EYS: variants seen among roughly 807,000 people sequenced by gnomAD.
The protein encoded by EYS is EGF-like photoreceptor maintenance factor.
EYS carries 250 observed loss-of-function variants against 282.1 expected under a neutral mutation model. That is an observed-to-expected ratio of 0.89 (90% confidence interval 0.80 to 0.98). The LOEUF is 0.98. Ranked by LOEUF, EYS falls within the 50% of genes least tolerant of loss-of-function variation. EYS has a pLI of 0.00. For missense variants in EYS, 4,016 were observed against 3,709.0 expected, an observed-to-expected ratio of 1.08 and a Z score of -2.15; for synonymous variants, 1,355 against 1,282.9, an observed-to-expected ratio of 1.06 and a Z score of -1.20.
At chr6:64,904,309 G>T (rs1045174706) in intron 16 of EYS, among the ~76,000 whole-genome samples, 55 of 152,184 alleles carry the variant, frequency 3.6e-4, no homozygotes, top group African/African-American at 1.2e-3. Context: ...TTACATTTTT[G>T]TAATTCGTTC....
chr6:65,316,092 C>T lies in EYS; in HGVS notation c.1766+18888G>A, dbSNP rs536779605. On this transcript the variant is annotated intron_variant, in intron 11 of 42. Coordinates refer to ENST00000503581, the MANE Select transcript of EYS (RefSeq NM_001142800.2). ...TTCTTTTTTCTATTGCATTATTTAT[C>T]TAGTTATAGTTAATTTGTAAAAGTT... Among the ~76,000 whole-genome samples, 79 of 152,194 alleles carry T rather than the reference C, an allele frequency of 5.2e-4. 1 individual carries two copies. Among genetic ancestry groups the T allele is most frequent in the African/African-American group, 1.8e-3 (73 of 41,510 alleles).
chr6:65,061,061 T>C (rs957027927), intron 12 of EYS, among the ~76,000 whole-genome samples: 1 of 151,840 alleles, frequency 6.6e-6, no homozygotes, highest in African/African-American at 2.4e-5. Context: ...ATAAATATCA[T>C]AAAGATTGCC....
chr6:64,518,550 A>C (rs72874921), intron 26 of EYS, among the ~76,000 whole-genome samples: 45,398 of 151,454 alleles, frequency 0.3, 6,796 homozygotes, highest in East Asian at 0.46. Flanking sequence ...CCTTAAAAAT[A>C]GTCTTTAGTT....
intron 37 of EYS, among the ~76,000 whole-genome samples, chr6:63,795,861 A>AT (rs1770632510): frequency 6.6e-6 from 1 of 152,206 alleles, no homozygotes; most frequent in African/African-American, 2.4e-5. Context: ...AGAGAGAAAC[A>AT]TAACAAGGAG....
intron 2 of EYS, among the ~76,000 whole-genome samples, chr6:65,536,134 CTAAA>C (rs1174270686): frequency 1.3e-5 from 2 of 151,908 alleles, no homozygotes; most frequent in Non-Finnish European, 1.5e-5. Context: ...GACAATGACA[CTAAA>C]TAGATAAATT....
chr6:65,260,109 G>A (rs1767581756), intron 12 of EYS, among the ~76,000 whole-genome samples: 2 of 152,054 alleles, frequency 1.3e-5, no homozygotes, highest in South Asian at 2.1e-4. Flanking sequence ...CGAAGGGGAA[G>A]CAAGCAAGCT....
chr6:64,616,917 A>G (rs1484036738), intron 24 of EYS, among the ~76,000 whole-genome samples: 1 of 152,096 alleles, frequency 6.6e-6, no homozygotes, highest in Non-Finnish European at 1.5e-5. Context: ...GTCAAATGCT[A>G]TTTTTTAATA....
At chr6:64,258,412 A>G (rs1304596949) in intron 30 of EYS, among the ~76,000 whole-genome samples, 1 of 152,002 alleles carries the variant, frequency 6.6e-6, no homozygotes, top group Non-Finnish European at 1.5e-5. Context: ...GAAATAAATA[A>G]CTTTCCATAC....
chr6:65,669,968 A>AT (rs1255104392), intron 1 of EYS, among the ~76,000 whole-genome samples: 2 of 151,514 alleles, frequency 1.3e-5, no homozygotes, highest in Non-Finnish European at 2.9e-5. Flanking sequence ...GTCCTAATAA[A>AT]AATGATTTAT....
chr6:64,387,475 A>C (rs889046124), intron 29 of EYS, among the ~76,000 whole-genome samples: 1 of 152,144 alleles, frequency 6.6e-6, no homozygotes, highest in African/African-American at 2.4e-5. Context: ...GAAAAAGTAT[A>C]GTTATGAAAT....
At chr6:63,788,973 G>A in intron 38 of EYS, 85 bp downstream of exon 38, 1 of 1,358,146 alleles carries the variant, frequency 7.4e-7, no homozygotes, top group African/African-American at 1.5e-5. Flanking sequence ...GGCATCATGG[G>A]CTATTCACCT....
chr6:64,226,392 G>A (rs939232423), intron 31 of EYS, among the ~76,000 whole-genome samples: 4 of 152,000 alleles, frequency 2.6e-5, no homozygotes, highest in East Asian at 1.9e-4. Context: ...TTAATGTACG[G>A]CATTTAAATA....
rs533617630 is a variant in EYS, at chr6:64,821,804, T to G, written c.3165-81A>C. 342 of 836,126 alleles carry G rather than the reference T, an allele frequency of 4.1e-4. 5 individuals are homozygous for G. In the South Asian group the frequency reaches 5.8e-3, roughly 14 times the overall value. 51.8% of individuals were successfully genotyped at this position (836,126 alleles called of 1,614,324 possible). A position where few individuals can be genotyped will look rare whatever the true frequency, so the allele number is the denominator to read the frequency against. ...TCAAGGGAGTTTCACCATTTAAACT[T>G]TTCTTTCCTAGTTCAGGTGAAAAAA... On this transcript the variant is annotated intron_variant, in intron 20 of 42. Transcript: ENST00000503581.
chr6:64,716,525 C>T (rs1434867719), intron 22 of EYS, among the ~76,000 whole-genome samples: 1 of 152,194 alleles, frequency 6.6e-6, no homozygotes, highest in Non-Finnish European at 1.5e-5. Context: ...TCTGCCATTT[C>T]ACCAATTTGT....
At chr6:65,030,227 CT>C (rs1165946030) in intron 13 of EYS, among the ~76,000 whole-genome samples, 1 of 152,118 alleles carries the variant, frequency 6.6e-6, no homozygotes, top group Non-Finnish European at 1.5e-5. Context: ...CTGCCAGCCA[CT>C]CCTAGGGTCC....
intron 41 of EYS, chr6:63,741,860 G>T: frequency 1.4e-6 from 1 of 699,230 alleles, no homozygotes. Context: ...AGCTGTACTA[G>T]GGTAGTCAGG....
intron 28 of EYS, among the ~76,000 whole-genome samples, chr6:64,413,329 T>C (rs977810900): frequency 1.3e-5 from 2 of 152,088 alleles, no homozygotes; most frequent in African/African-American, 4.8e-5. Flanking sequence ...CCATCATTAG[T>C]CTCCCGATGC....
At chr6:65,497,622 G>A (rs1219979347) in intron 2 of EYS, among the ~76,000 whole-genome samples, 1 of 151,962 alleles carries the variant, frequency 6.6e-6, no homozygotes, top group East Asian at 1.9e-4. Context: ...TATTTTATTC[G>A]AGAGCAATGA....
At chr6:65,498,518 C>T (rs1220396812) in intron 2 of EYS, among the ~76,000 whole-genome samples, 1 of 151,958 alleles carries the variant, frequency 6.6e-6, no homozygotes, top group Non-Finnish European at 1.5e-5. Context: ...TGTGAGCCCA[C>T]ATTATTGTGG....
Sources: gnomAD v4.1 joint callset for allele counts (sites outside exome capture counted in the v4.1 genomes callset) on GRCh38, gnomAD v4.1.1 for gene constraint, MANE v1.5 for transcripts, NCBI Gene and HGNC (gene_info 2026-07-23, HGNC 2026-07-21) for gene names.